Variants in FGGY observed in about 807,000 individuals in gnomAD.
The protein encoded by FGGY is FGGY carbohydrate kinase domain containing.
In FGGY, 72 loss-of-function variants were observed where a neutral mutation model predicts 71.3. That is an observed-to-expected ratio of 1.01 (90% CI 0.84 to 1.23). The LOEUF is 1.23. Ranked by LOEUF, FGGY falls within the 50% of genes most tolerant of loss-of-function variation. The pLI is 0.00. For missense variants in FGGY, 668 were observed against 682.3 expected (o/e 0.98, Z 0.23); for synonymous variants, 251 against 250.3 (o/e 1.00, Z -0.02).
chr1:59,562,857 C>T (rs1558360509), intron 8 of FGGY, among the ~76,000 whole-genome samples: 3 of 152,128 alleles, frequency 2.0e-5, no homozygotes, highest in Non-Finnish European at 2.9e-5. Flanking sequence ...TATGTCAAAA[C>T]TTTCCAAATC....
chr1:59,723,563 T>TTGGG (rs1553431126), intron 14 of FGGY, among the ~76,000 whole-genome samples: 1 of 128,916 alleles, frequency 7.8e-6, no homozygotes, highest in African/African-American at 2.9e-5. Context: ...TGTTTTTTTT[T>TTGGG]GGGGGGGGGT....
intron 4 of FGGY, among the ~76,000 whole-genome samples, chr1:59,353,019 T>C (rs952120432): frequency 1.3e-5 from 2 of 152,194 alleles, no homozygotes; most frequent in Non-Finnish European, 2.9e-5. Context: ...TAATACAAGA[T>C]ATTGAGGAAC....
At chr1:59,521,662 G>A (rs1302822721) in intron 7 of FGGY, among the ~76,000 whole-genome samples, 1 of 152,110 alleles carries the variant, frequency 6.6e-6, no homozygotes, top group Non-Finnish European at 1.5e-5. Context: ...AGAAAACTGA[G>A]GCCCAGACAA....
intron 14 of FGGY, among the ~76,000 whole-genome samples, chr1:59,675,757 A>AG (rs1450826113): frequency 6.6e-6 from 1 of 152,174 alleles, no homozygotes; most frequent in Non-Finnish European, 1.5e-5. Flanking sequence ...TAGTTAAAAC[A>AG]GGGGGGATGC....
chr1:59,318,362 A>G (rs2045818995), intron 1 of FGGY, among the ~76,000 whole-genome samples: 1 of 152,214 alleles, frequency 6.6e-6, no homozygotes, highest in South Asian at 2.1e-4. Context: ...CTCCTGCTGT[A>G]TGCCAGGCAC....
intron 5 of FGGY, among the ~76,000 whole-genome samples, chr1:59,416,837 A>C (rs2064521247): frequency 1.3e-5 from 2 of 152,326 alleles, no homozygotes; most frequent in East Asian, 1.9e-4. Context: ...GCTGGAATTA[A>C]GTCCCATGGC....
At chr1:59,464,389 A>C (rs1475509716) in intron 6 of FGGY, among the ~76,000 whole-genome samples, 1 of 152,248 alleles carries the variant, frequency 6.6e-6, no homozygotes, top group East Asian at 1.9e-4. Flanking sequence ...AACTTATAGC[A>C]CTAAATGCCC....
chr1:59,472,525 C>T (rs1381476086), intron 6 of FGGY, among the ~76,000 whole-genome samples: 1 of 152,274 alleles, frequency 6.6e-6, no homozygotes, highest in African/African-American at 2.4e-5. Context: ...GCGGGATCCA[C>T]TGGGTGAAGC....
chr1:59,670,709 A>G (rs1300071329), intron 13 of FGGY, among the ~76,000 whole-genome samples: 2 of 57,850 alleles, frequency 3.5e-5, no homozygotes, highest in East Asian at 1.3e-3. Context: ...AAAGAGGGGC[A>G]TTTGAGGGAA....
In FGGY at chr1:59,478,847, A is replaced by G. The variant is rs189211485; in HGVS notation, c.670+21771A>G. 2.1e-3 allele frequency among the ~76,000 whole-genome samples: 326 copies of G among 152,326 alleles called. 1 individual carries two copies. The highest frequency in any genetic ancestry group is 7.6e-3 in the African/African-American group (314 of 41,584). On this transcript the variant is annotated intron_variant, in intron 6 of 15. Transcript: ENST00000303721. ...AAGGAGGCTAAGGATGTACCTGCCA[A>G]GGGCAGGGAGATAATGAGGAGATTT...
intron 7 of FGGY, among the ~76,000 whole-genome samples, chr1:59,540,019 C>G (rs2095414974): frequency 6.6e-6 from 1 of 152,130 alleles, no homozygotes; most frequent in African/African-American, 2.4e-5. Context: ...GAAAAATTGT[C>G]CAGCCTTGTT....
chr1:59,641,307 G>T (rs1374954307), intron 11 of FGGY: 1 of 1,611,082 alleles, frequency 6.2e-7, no homozygotes, highest in Admixed American at 1.7e-5. Flanking sequence ...GTATATTCCG[G>T]CTTTGGCAGC....
At chr1:59,596,022 A>G (rs1464602909) in intron 8 of FGGY, among the ~76,000 whole-genome samples, 4 of 152,100 alleles carry the variant, frequency 2.6e-5, no homozygotes, top group African/African-American at 4.8e-5. Flanking sequence ...GTGTTTACAT[A>G]CCTTACATAT....
At chr1:59,454,969 T>A (rs936863515) in intron 5 of FGGY, among the ~76,000 whole-genome samples, 1 of 152,208 alleles carries the variant, frequency 6.6e-6, no homozygotes, top group Non-Finnish European at 1.5e-5. Flanking sequence ...GAGATAGGTT[T>A]TGGGTTATCT....
At chr1:59,495,793 A>G (rs1222920519) in intron 6 of FGGY, among the ~76,000 whole-genome samples, 1 of 152,044 alleles carries the variant, frequency 6.6e-6, no homozygotes, top group Non-Finnish European at 1.5e-5. Context: ...AGATTGTTGT[A>G]GGTGTGTGGC....
At chr1:59,417,411 T>A (rs1157555360) in intron 5 of FGGY, among the ~76,000 whole-genome samples, 1 of 152,222 alleles carries the variant, frequency 6.6e-6, no homozygotes, top group African/African-American at 2.4e-5. Flanking sequence ...TGTACAAGTT[T>A]TTATATCAAC....
At chr1:59,428,811 T>C (rs1466965224) in intron 5 of FGGY, among the ~76,000 whole-genome samples, 1 of 152,230 alleles carries the variant, frequency 6.6e-6, no homozygotes, top group Admixed American at 6.5e-5. Flanking sequence ...CTTTTGGTTT[T>C]GGTACAAGTG....
intron 2 of FGGY, among the ~76,000 whole-genome samples, chr1:59,335,790 A>G (rs577535770): frequency 6.6e-6 from 1 of 152,188 alleles, no homozygotes; most frequent in Non-Finnish European, 1.5e-5. Context: ...TCATGTGTAC[A>G]TTGGCCATTT....
At chr1:59,481,872 C>A (rs980945578) in intron 6 of FGGY, among the ~76,000 whole-genome samples, 2 of 152,118 alleles carry the variant, frequency 1.3e-5, no homozygotes, top group African/African-American at 4.8e-5. Context: ...CACATGTTTA[C>A]CCATGGGAAT....
Sources: allele counts gnomAD v4.1 joint callset (sites outside exome capture counted in the v4.1 genomes callset), GRCh38; gene constraint gnomAD v4.1.1; transcripts MANE v1.5; gene names NCBI Gene and HGNC (gene_info 2026-07-23, HGNC 2026-07-21).